SEMA3A: variants seen among roughly 807,000 people sequenced by gnomAD.
SEMA3A encodes semaphorin 3A, also known as semaphorin-3A.
A neutral mutation model predicts 97.9 loss-of-function variants in SEMA3A; 29 were observed. The ratio of observed to expected loss-of-function variants is 0.30; its 90% CI spans 0.22 to 0.40. The LOEUF (loss-of-function observed/expected upper bound fraction) is 0.40, where lower values mean the gene tolerates loss of function less well. SEMA3A is among the 10% of genes least tolerant of loss of function. SEMA3A has a pLI of 1.00. For missense variants in SEMA3A, 763 were observed against 951.3 expected (o/e 0.80, Z 2.60); for synonymous variants, 321 against 323.7 (o/e 0.99, Z 0.09).
At chr7:84,007,645 C>T (rs1790721121) in intron 9 of SEMA3A, 148 bp from the exon 10 acceptor site, 2 of 676,024 alleles carry the variant, frequency 3.0e-6, no homozygotes, top group Admixed American at 4.2e-5. Flanking sequence ...TTTCTAGTCA[C>T]ATGTATGCAT....
chr7:84,056,181 C>CT (rs1452545595), intron 5 of SEMA3A, among the ~76,000 whole-genome samples: 1 of 149,656 alleles, frequency 6.7e-6, no homozygotes, highest in African/African-American at 2.4e-5. Flanking sequence ...TGGAAGCTTT[C>CT]TTAACTCTCT....
In SEMA3A at chr7:83,962,211, C is replaced by A. The variant is rs185806646; in HGVS notation, c.1861-385G>T. 3.0e-3 allele frequency among the ~76,000 whole-genome samples: 455 copies of A among 151,900 alleles called. 2 individuals are homozygous for A. Among genetic ancestry groups the A allele is most frequent in the Non-Finnish European group, 5.2e-3 (354 of 67,918 alleles). ...ACCATGATACTAGAAAGATACGGGGCATTAGAATGAATTTATAATAAGATT... is the reference window on the plus strand; with the variant it reads ...ACCATGATACTAGAAAGATACGGGGAATTAGAATGAATTTATAATAAGATT... On this transcript the variant is annotated intron_variant, in intron 16 of 16. Coordinates refer to ENST00000265362, the MANE Select transcript of SEMA3A (RefSeq NM_006080.3).
At chr7:84,360,592 T>A (rs1048035058) in intron 2 of SEMA3A, among the ~76,000 whole-genome samples, 2 of 152,198 alleles carry the variant, frequency 1.3e-5, no homozygotes, top group African/African-American at 4.8e-5. Context: ...CAGATTATAG[T>A]TTTAAAACTA....
In SEMA3A at chr7:84,011,239, C is replaced by G; in HGVS notation, c.869G>C (p.Arg290Pro). The change falls in exon 8 of 17, where the codon CGT (arginine) becomes CCT (proline). Residue 290 changes from arginine (R) to proline (P), a missense_variant. Transcript: ENST00000265362. ...TGGACCTGGCACTGAGCAAATCAGA[C>G]GAGCTTTGAGGAATGTTGTCCATTT... The part of the protein sequence containing the change: ...VNKWTTFLKA[R>P]LICSVPGPNG... The G allele has an allele frequency of 6.2e-7, 1 of 1,613,974 alleles. No homozygotes were observed.
At chr7:84,329,720 A>G (rs1801867290) in intron 2 of SEMA3A, among the ~76,000 whole-genome samples, 1 of 152,124 alleles carries the variant, frequency 6.6e-6, no homozygotes. Flanking sequence ...TATAAAATAC[A>G]GTGCTACATT....
At chr7:84,374,363 G>A (rs1484969611) in intron 1 of SEMA3A, among the ~76,000 whole-genome samples, 4 of 152,098 alleles carry the variant, frequency 2.6e-5, no homozygotes, top group African/African-American at 7.2e-5. Flanking sequence ...TATGTCCATC[G>A]AAAAATATAT....
intron 3 of SEMA3A, among the ~76,000 whole-genome samples, chr7:84,279,446 A>G (rs1800383798): frequency 1.4e-5 from 1 of 71,662 alleles, no homozygotes; most frequent in Non-Finnish European, 2.7e-5. Context: ...TCAATACCCT[A>G]TAATCTTAAA....
chr7:84,012,338 T>G (rs1790915782), intron 7 of SEMA3A, among the ~76,000 whole-genome samples: 1 of 152,156 alleles, frequency 6.6e-6, no homozygotes, highest in African/African-American at 2.4e-5. Context: ...ATACAATTCT[T>G]ACTGTCTATT....
intron 2 of SEMA3A, among the ~76,000 whole-genome samples, chr7:84,313,482 C>T (rs957128905): frequency 6.8e-6 from 1 of 146,578 alleles, no homozygotes; most frequent in Non-Finnish European, 1.5e-5. Context: ...TATTTTGGAA[C>T]CTTCCTAATG....
intron 3 of SEMA3A, among the ~76,000 whole-genome samples, chr7:84,218,201 T>G: frequency 6.6e-6 from 1 of 152,116 alleles, no homozygotes; most frequent in East Asian, 1.9e-4. Flanking sequence ...ATTTGAAATA[T>G]TTTTGGTATG....
chr7:84,406,502 C>G (rs1373064505), intron 1 of SEMA3A, among the ~76,000 whole-genome samples: 1 of 152,170 alleles, frequency 6.6e-6, no homozygotes, highest in Non-Finnish European at 1.5e-5. Context: ...CCTTCTGAAA[C>G]TATTCCAATC....
rs1788362973 is a variant in SEMA3A, at chr7:83,958,875, C to G, written c.*2496G>C. On this transcript the variant is annotated 3_prime_UTR_variant, in exon 17 of 17. Transcript: ENST00000265362. ...GTAATTTTCGTAAGGTCACATGAGT[C>G]TCTCAAACAGTTTCATCTCTGATGA... 2 of 152,292 alleles carry G rather than the reference C, an allele frequency of 1.3e-5. No homozygotes were observed. The highest frequency in any genetic ancestry group is 6.6e-5 in the Admixed American group (1 of 15,242). The allele number at this position is 152,292 out of a possible 1,614,324, so 9.4% of individuals were successfully genotyped here.
At chr7:84,470,027 C>A (rs186420763) in intron 1 of SEMA3A, among the ~76,000 whole-genome samples, 199 of 151,560 alleles carry the variant, frequency 1.3e-3, no homozygotes, top group Non-Finnish European at 2.4e-3. Flanking sequence ...ATTAAATATT[C>A]TAAATAAAAA....
intron 1 of SEMA3A, among the ~76,000 whole-genome samples, chr7:84,424,335 T>A (rs866141778): frequency 1.4e-5 from 2 of 141,542 alleles, no homozygotes; most frequent in Non-Finnish European, 1.5e-5. Context: ...TAATATGATA[T>A]ACAATAAATA....
chr7:84,106,964 C>T (rs1795127522), intron 4 of SEMA3A, among the ~76,000 whole-genome samples: 1 of 152,128 alleles, frequency 6.6e-6, no homozygotes. Context: ...ATTCGTCTTT[C>T]ATTATTTCAC....
chr7:84,465,179 A>T (rs1805957874), intron 1 of SEMA3A, among the ~76,000 whole-genome samples: 1 of 152,182 alleles, frequency 6.6e-6, no homozygotes. Flanking sequence ...ATGTATATTA[A>T]TTAGGAAGAT....
At chr7:84,314,935 G>T (rs1801455241) in intron 2 of SEMA3A, among the ~76,000 whole-genome samples, 1 of 152,088 alleles carries the variant, frequency 6.6e-6, no homozygotes, top group African/African-American at 2.4e-5. Context: ...AATTTGATTT[G>T]TTTTAATCTC....
chr7:84,346,039 A>G (rs1274955030), intron 2 of SEMA3A, among the ~76,000 whole-genome samples: 1 of 152,210 alleles, frequency 6.6e-6, no homozygotes, highest in African/African-American at 2.4e-5. Context: ...AGACATGGAT[A>G]ACTTGCTGCA....
At chr7:84,262,441 C>A (rs934779503) in intron 3 of SEMA3A, among the ~76,000 whole-genome samples, 8 of 152,128 alleles carry the variant, frequency 5.3e-5, no homozygotes, top group African/African-American at 1.9e-4. Flanking sequence ...TCTTGAACTC[C>A]TGACCTCAGG....
Sources: gnomAD v4.1 joint callset for allele counts (sites outside exome capture counted in the v4.1 genomes callset) on GRCh38, gnomAD v4.1.1 for gene constraint, MANE v1.5 for transcripts, NCBI Gene and HGNC (gene_info 2026-07-23, HGNC 2026-07-21) for gene names.